ALDH1L1: variants seen among roughly 807,000 people sequenced by gnomAD.
The protein encoded by ALDH1L1 is aldehyde dehydrogenase 1 family member L1.
In ALDH1L1, 68 loss-of-function variants were observed where a neutral mutation model predicts 101.1. That is an observed-to-expected ratio of 0.67 (90% confidence interval 0.55 to 0.82). The LOEUF (loss-of-function observed/expected upper bound fraction) is 0.82. ALDH1L1 is among the 40% of genes least tolerant of loss of function. The pLI is 0.00. For synonymous variants in ALDH1L1, 486 were observed against 470.8 expected (o/e 1.03, Z -0.42); for missense variants, 1,087 against 1,172.7 (o/e 0.93, Z 1.07).
chr3:126,173,043 T>A (rs2081311066), intron 1 of ALDH1L1, among the ~76,000 whole-genome samples: 1 of 152,190 alleles, frequency 6.6e-6, no homozygotes, highest in African/African-American at 2.4e-5. Context: ...GGAGAAAGAC[T>A]TCTCAAACAA....
chr3:126,136,551 C>A lies in ALDH1L1; in HGVS notation c.1344+213G>T, dbSNP rs528771137. On this transcript the variant is annotated intron_variant, in intron 11 of 22. Coordinates refer to ENST00000393434, the MANE Select transcript of ALDH1L1 (RefSeq NM_012190.4). ...GAAGCAGGTGCAAGACCCTTCCGAGCCCTCCTGCCACCTGCCACCACCCTG... is the reference window on the plus strand; with the variant it reads ...GAAGCAGGTGCAAGACCCTTCCGAGACCTCCTGCCACCTGCCACCACCCTG... Among the ~76,000 whole-genome samples, 10 of 152,194 alleles carry A rather than the reference C, an allele frequency of 6.6e-5. No individual in the cohort carries two copies. The South Asian group carries it at 2.1e-3, about 32-fold the overall frequency.
At chr3:126,105,547 G>A in intron 22 of ALDH1L1, 179 bp downstream of exon 22, 1 of 726,200 alleles carries the variant, frequency 1.4e-6, no homozygotes. Context: ...ACCCCCCTCT[G>A]CAAGCATCTT....
At chr3:126,166,775 AT>A in intron 1 of ALDH1L1, among the ~76,000 whole-genome samples, 1 of 152,290 alleles carries the variant, frequency 6.6e-6, no homozygotes, top group African/African-American at 2.4e-5. Context: ...TGAAAAAAAA[AT>A]CTTTCATTTT....
At chr3:126,131,930 C>T (rs1389042806) in intron 12 of ALDH1L1, among the ~76,000 whole-genome samples, 1 of 152,250 alleles carries the variant, frequency 6.6e-6, no homozygotes, top group African/African-American at 2.4e-5. Context: ...GTCCATCTGT[C>T]TTTCCAGCAC....
chr3:126,104,136 G>C (rs149222279), intron 22 of ALDH1L1: 19 of 503,194 alleles, frequency 3.8e-5, no homozygotes, highest in Non-Finnish European at 5.7e-5. Context: ...CAGGTGGAAG[G>C]GGGTGGAGAG....
chr3:126,185,190 C>T (rs377684459), upstream of ALDH1L1, among the ~76,000 whole-genome samples: 16 of 152,318 alleles, frequency 1.1e-4, no homozygotes, highest in South Asian at 1.5e-3. Context: ...ACAGAGCTTA[C>T]AGCCCTGCTC....
intron 1 of ALDH1L1, among the ~76,000 whole-genome samples, chr3:126,193,568 A>C (rs2081565514): frequency 6.6e-6 from 1 of 152,182 alleles, no homozygotes; most frequent in African/African-American, 2.4e-5. Flanking sequence ...TGTCATTCAA[A>C]GCTTACAGTG....
chr3:126,130,666 G>A lies in ALDH1L1; in HGVS notation c.1624-373C>T, dbSNP rs1406198934. On this transcript the variant is annotated intron_variant, in intron 13 of 22. Coordinates refer to ENST00000393434, the MANE Select transcript of ALDH1L1 (RefSeq NM_012190.4). ...AGCTGCAGCCAGAAGCTACACAGCT[G>A]CGGAGTAGGGGCGGGCACCAGGCAG... Among the ~76,000 whole-genome samples, 5 of 152,220 alleles carry A rather than the reference G, an allele frequency of 3.3e-5. No homozygotes were observed. The East Asian group carries it at 9.6e-4, about 29-fold the overall frequency.
chr3:126,189,748 G>C (rs1197233720), intron 1 of ALDH1L1, among the ~76,000 whole-genome samples: 1 of 152,214 alleles, frequency 6.6e-6, no homozygotes, highest in East Asian at 1.9e-4. Flanking sequence ...GAATTGAGGA[G>C]AGTGGGAGAT....
chr3:126,163,217 G>A (rs1011570782), intron 1 of ALDH1L1, among the ~76,000 whole-genome samples: 2 of 152,106 alleles, frequency 1.3e-5, no homozygotes, highest in Non-Finnish European at 2.9e-5. Flanking sequence ...GTTTATTCGA[G>A]TTTTGACCCA....
At position 126,190,583 on chromosome 3, in the gene ALDH1L1, G is replaced by A. The variant is rs116187669; in HGVS notation, c.-24+7152C>T. 8.7e-3 allele frequency among the ~76,000 whole-genome samples: 1,332 copies of A among 152,272 alleles called. 22 individuals carry two copies. Among genetic ancestry groups the A allele is most frequent in the African/African-American group, 0.03 (1,257 of 41,540 alleles). On this transcript the variant is annotated intron_variant, in intron 1 of 2. Transcript: ENST00000509952. ...AAGTCATCATAGAGGAGCTGACTTT[G>A]ATCAATCTTATGGAGTTTATTGAAA...
chr3:126,153,373 T>G, intron 7 of ALDH1L1, 71 bp downstream of exon 7: 4 of 1,601,686 alleles, frequency 2.5e-6, no homozygotes, highest in Non-Finnish European at 3.4e-6. Context: ...GGTCTTCCTG[T>G]GAGGCCTGAG....
At chr3:126,113,877 G>A (rs1381296429) in intron 18 of ALDH1L1, among the ~76,000 whole-genome samples, 1 of 152,186 alleles carries the variant, frequency 6.6e-6, no homozygotes, top group East Asian at 1.9e-4. Flanking sequence ...ACTAACCTAA[G>A]CCCTTCAGAC....
upstream of ALDH1L1, among the ~76,000 whole-genome samples, chr3:126,183,985 C>G (rs1398100821): frequency 6.6e-6 from 1 of 152,190 alleles, no homozygotes; most frequent in Non-Finnish European, 1.5e-5. Context: ...TTTTAAAACT[C>G]TCTGATGCTC....
intron 1 of ALDH1L1, among the ~76,000 whole-genome samples, chr3:126,165,220 A>T (rs191677997): frequency 1.3e-4 from 20 of 152,280 alleles, no homozygotes; most frequent in Admixed American, 9.1e-4. Flanking sequence ...GTGGTGAATC[A>T]CATTTATTGA....
At position 126,146,861 on chromosome 3, in the gene ALDH1L1, T is replaced by C; in HGVS notation, c.1050A>G (p.Ser350=). 1 of 1,614,080 alleles carries C rather than the reference T, an allele frequency of 6.2e-7. No individual in the cohort carries two copies. Among genetic ancestry groups the C allele is most frequent in the Non-Finnish European group, 8.5e-7 (1 of 1,179,940 alleles). ...EVEDSTDFFK[S]GAASVDVVRL... Reference sequence around the variant, plus strand: ...TCACAACGTCCACAGACGCGGCCCCTGACTTGAAGAAATCAGTGGAGTCTT... The same window carrying C: ...TCACAACGTCCACAGACGCGGCCCCCGACTTGAAGAAATCAGTGGAGTCTT... Residue 350 remains serine, a synonymous_variant, in exon 9 of 23, where the codon TCA becomes TCG. Transcript: ENST00000393434.
chr3:126,133,379 C>T (rs1448588864), intron 12 of ALDH1L1, among the ~76,000 whole-genome samples: 5 of 152,182 alleles, frequency 3.3e-5, no homozygotes, highest in African/African-American at 1.2e-4. Context: ...TCTCACTGCT[C>T]GTCTCCTGCA....
rs149683490 is a variant in ALDH1L1 at position 126,126,146 on chromosome 3, G to A, written c.1695-425C>T. 5.3e-3 allele frequency among the ~76,000 whole-genome samples: 813 copies of A among 152,300 alleles called. 5 individuals carry two copies. The highest frequency in any genetic ancestry group is 7.6e-3 in the Non-Finnish European group (516 of 68,016). On this transcript the variant is annotated intron_variant, in intron 14 of 22. Coordinates refer to ENST00000393434, the MANE Select transcript of ALDH1L1 (RefSeq NM_012190.4). ...TGTGAGGCCAGGTGTCAATCCTCAA[G>A]AAGAGAAGACAGAGTCAGCAAGGCA...
At chr3:126,138,284 A>C (rs1287756776) in intron 9 of ALDH1L1, among the ~76,000 whole-genome samples, 2 of 150,870 alleles carry the variant, frequency 1.3e-5, no homozygotes, top group Non-Finnish European at 3.0e-5. Context: ...CCATCTAATA[A>C]TAATAATAAT....
Sources: gnomAD v4.1 joint callset for allele counts (sites outside exome capture counted in the v4.1 genomes callset) on GRCh38, gnomAD v4.1.1 for gene constraint, MANE v1.5 for transcripts, NCBI Gene and HGNC (gene_info 2026-07-23, HGNC 2026-07-21) for gene names.